The following ELAPOR2 variants were observed in gnomAD, a reference collection of about 807,000 sequenced individuals.
ELAPOR2 encodes endosome-lysosome associated apoptosis and autophagy regulator family member 2.
A neutral mutation model predicts 120.7 loss-of-function variants in ELAPOR2; 89 were observed. That is an observed-to-expected ratio of 0.74 (90% CI 0.62 to 0.88). ELAPOR2 has a LOEUF of 0.88. Ranked by LOEUF, ELAPOR2 falls within the 40% of genes least tolerant of loss-of-function variation. ELAPOR2 has a pLI of 0.00. For synonymous variants in ELAPOR2, 444 were observed against 444.9 expected, an observed-to-expected ratio of 1.00 and a Z score of 0.03; for missense variants, 1,134 against 1,251.6, an observed-to-expected ratio of 0.91 and a Z score of 1.42.
At chr7:86,974,159 G>C (rs1218288890) in intron 1 of ELAPOR2, among the ~76,000 whole-genome samples, 1 of 151,950 alleles carries the variant, frequency 6.6e-6, no homozygotes, top group Non-Finnish European at 1.5e-5. Flanking sequence ...AATTATATAT[G>C]GTTACAAACT....
At chr7:87,057,708 T>C (rs180743965) in intron 1 of ELAPOR2, among the ~76,000 whole-genome samples, 1 of 152,324 alleles carries the variant, frequency 6.6e-6, no homozygotes, top group Non-Finnish European at 1.5e-5. Flanking sequence ...TTTCTAGGTA[T>C]ACATGTGTAG....
chr7:86,951,343 C>T (rs1339350436), intron 2 of ELAPOR2, among the ~76,000 whole-genome samples: 1 of 152,054 alleles, frequency 6.6e-6, no homozygotes, highest in Non-Finnish European at 1.5e-5. Flanking sequence ...TTATCTATAA[C>T]TTAATAAAAG....
chr7:86,924,673 T>C (rs1789984681), intron 10 of ELAPOR2, among the ~76,000 whole-genome samples: 1 of 152,028 alleles, frequency 6.6e-6, no homozygotes, highest in African/African-American at 2.4e-5. Flanking sequence ...CTCATCTGTT[T>C]AACATTATTC....
intron 1 of ELAPOR2, among the ~76,000 whole-genome samples, chr7:87,041,564 G>A (rs1036925959): frequency 6.6e-6 from 1 of 152,010 alleles, no homozygotes; most frequent in Non-Finnish European, 1.5e-5. Flanking sequence ...CAAATGCTGA[G>A]AGATTTTGTA....
At chr7:87,043,460 C>G (rs1410084854) in intron 1 of ELAPOR2, among the ~76,000 whole-genome samples, 1 of 151,760 alleles carries the variant, frequency 6.6e-6, no homozygotes, top group South Asian at 2.1e-4. Context: ...GTTCAATATA[C>G]GCAAATCAAT....
chr7:87,012,075 T>C (rs1793700927), intron 1 of ELAPOR2, among the ~76,000 whole-genome samples: 1 of 152,212 alleles, frequency 6.6e-6, no homozygotes, highest in Admixed American at 6.5e-5. Context: ...ATGTGTATTT[T>C]ACACATATAG....
intron 21 of ELAPOR2, among the ~76,000 whole-genome samples, chr7:86,889,081 T>C (rs1305933444): frequency 2.0e-5 from 3 of 152,086 alleles, no homozygotes; most frequent in Admixed American, 2.0e-4. Context: ...GGTATAAAAT[T>C]TGCCTTTGAC....
chr7:86,935,632 C>T (rs1006805797), intron 8 of ELAPOR2, among the ~76,000 whole-genome samples: 15 of 151,938 alleles, frequency 9.9e-5, no homozygotes, highest in Non-Finnish European at 2.1e-4. Context: ...GGCCTTCCTC[C>T]AGACCTACTA....
intron 1 of ELAPOR2, among the ~76,000 whole-genome samples, chr7:87,054,113 C>G (rs1414759110): frequency 6.6e-6 from 1 of 152,020 alleles, no homozygotes; most frequent in East Asian, 1.9e-4. Context: ...TATTGAAATA[C>G]TACATAGAAC....
intron 1 of ELAPOR2, among the ~76,000 whole-genome samples, chr7:86,990,661 C>A (rs1040767310): frequency 5.3e-5 from 8 of 152,102 alleles, no homozygotes; most frequent in Non-Finnish European, 1.0e-4. Flanking sequence ...TTACTCTTCT[C>A]AGGAAGATTA....
chr7:87,042,808 T>C (rs887412094), intron 1 of ELAPOR2, among the ~76,000 whole-genome samples: 1 of 151,926 alleles, frequency 6.6e-6, no homozygotes, highest in Non-Finnish European at 1.5e-5. Context: ...TTCAAAAAAT[T>C]AATGAATCCA....
intron 1 of ELAPOR2, among the ~76,000 whole-genome samples, chr7:86,991,041 C>T (rs1792928026): frequency 6.6e-6 from 1 of 152,160 alleles, no homozygotes; most frequent in African/African-American, 2.4e-5. Flanking sequence ...AACACACCAG[C>T]ACTGTGTTTA....
At chr7:86,997,587 A>G (rs918572105) in intron 1 of ELAPOR2, among the ~76,000 whole-genome samples, 1 of 152,222 alleles carries the variant, frequency 6.6e-6, no homozygotes, top group African/African-American at 2.4e-5. Context: ...AGAGCCATTA[A>G]TAACACCTTC....
chr7:87,057,884 T>A (rs1795311174), intron 1 of ELAPOR2, among the ~76,000 whole-genome samples: 1 of 152,194 alleles, frequency 6.6e-6, no homozygotes, highest in South Asian at 2.1e-4. Context: ...ATATTAGAAG[T>A]TGGGGGCTGG....
intron 1 of ELAPOR2, among the ~76,000 whole-genome samples, chr7:87,007,323 A>G (rs1378799105): frequency 6.6e-6 from 1 of 152,194 alleles, no homozygotes; most frequent in Non-Finnish European, 1.5e-5. Flanking sequence ...ATATACACTG[A>G]GTATAACTGA....
At chr7:86,963,470 T>C (rs891781838) in intron 2 of ELAPOR2, among the ~76,000 whole-genome samples, 4 of 152,130 alleles carry the variant, frequency 2.6e-5, no homozygotes, top group Non-Finnish European at 5.9e-5. Context: ...GATACAATAC[T>C]CTACAATGAC....
intron 1 of ELAPOR2, among the ~76,000 whole-genome samples, chr7:87,029,860 G>C (rs1794371277): frequency 6.6e-6 from 1 of 152,050 alleles, no homozygotes; most frequent in African/African-American, 2.4e-5. Flanking sequence ...AAAGAAATAA[G>C]GACATAACAA....
At chr7:86,956,733 G>C (rs1003386449) in intron 2 of ELAPOR2, among the ~76,000 whole-genome samples, 1 of 152,160 alleles carries the variant, frequency 6.6e-6, no homozygotes, top group Non-Finnish European at 1.5e-5. Context: ...ATGTTTGATG[G>C]GGGAGGGGAG....
chr7:87,041,250 G>C (rs1015021901), intron 1 of ELAPOR2, among the ~76,000 whole-genome samples: 1 of 151,944 alleles, frequency 6.6e-6, no homozygotes, highest in Non-Finnish European at 1.5e-5. Context: ...TCAGATTCAG[G>C]AAATACAGAG....
Sources: gnomAD v4.1 joint callset for allele counts (sites outside exome capture counted in the v4.1 genomes callset) on GRCh38, gnomAD v4.1.1 for gene constraint, MANE v1.5 for transcripts, NCBI Gene and HGNC (gene_info 2026-07-23, HGNC 2026-07-21) for gene names.